IGF2BP3: variants seen among roughly 807,000 people sequenced by gnomAD.
IGF2BP3 encodes the protein insulin-like growth factor 2 mRNA-binding protein 3.
IGF2BP3 carries 9 observed loss-of-function variants against 73.8 expected under a neutral mutation model. The observed-to-expected ratio is 0.12, with a 90% CI of 0.07 to 0.21. IGF2BP3 has a LOEUF of 0.21. IGF2BP3 is among the 10% of genes least tolerant of loss of function. IGF2BP3 has a pLI of 1.00. For missense variants in IGF2BP3, 542 were observed against 714.0 expected (o/e 0.76, Z 2.75); for synonymous variants, 258 against 256.7 (o/e 1.01, Z -0.05).
intron 10 of IGF2BP3, among the ~76,000 whole-genome samples, chr7:23,328,751 C>T (rs1422635916): frequency 6.6e-6 from 1 of 152,194 alleles, no homozygotes; most frequent in Admixed American, 6.5e-5. Flanking sequence ...CTACAATCAA[C>T]TACCTACCTA....
intron 6 of IGF2BP3, among the ~76,000 whole-genome samples, chr7:23,349,713 C>A (rs191696435): frequency 6.6e-6 from 1 of 152,264 alleles, no homozygotes; most frequent in African/African-American, 2.4e-5. Flanking sequence ...AATGAATCAT[C>A]GGATATAACA....
intron 3 of IGF2BP3, among the ~76,000 whole-genome samples, chr7:23,371,898 C>A (rs1327082058): frequency 6.6e-6 from 1 of 152,188 alleles, no homozygotes. Flanking sequence ...TGAGAGAGAA[C>A]AGTCCAACAA....
intron 12 of IGF2BP3, among the ~76,000 whole-genome samples, chr7:23,315,992 A>G (rs1457973771): frequency 6.6e-6 from 1 of 152,230 alleles, no homozygotes; most frequent in Non-Finnish European, 1.5e-5. Flanking sequence ...AATTCTACTT[A>G]TAAGACTAAA....
chr7:23,391,286 G>C (rs866199018), intron 3 of IGF2BP3, among the ~76,000 whole-genome samples: 7 of 151,882 alleles, frequency 4.6e-5, no homozygotes, highest in African/African-American at 1.7e-4. Flanking sequence ...TTTTAGTAGA[G>C]ACATGGTTTA....
chr7:23,420,204 C>T (rs1787305845), intron 2 of IGF2BP3, among the ~76,000 whole-genome samples: 2 of 152,214 alleles, frequency 1.3e-5, no homozygotes, highest in Non-Finnish European at 2.9e-5. Context: ...ATAGGACAGG[C>T]CTTGTGGCTT....
At chr7:23,365,079 T>G (rs1372374562) in intron 3 of IGF2BP3, among the ~76,000 whole-genome samples, 2 of 152,038 alleles carry the variant, frequency 1.3e-5, no homozygotes, top group African/African-American at 4.8e-5. Flanking sequence ...GGCAGGAGAA[T>G]TGCTTGAACC....
At chr7:23,406,379 G>T (rs970854239) in intron 3 of IGF2BP3, among the ~76,000 whole-genome samples, 1 of 152,122 alleles carries the variant, frequency 6.6e-6, no homozygotes, top group Non-Finnish European at 1.5e-5. Flanking sequence ...TCTTCCAGTG[G>T]GTTCTCGGTC....
At chr7:23,328,932 G>A (rs529666342) in intron 10 of IGF2BP3, among the ~76,000 whole-genome samples, 3 of 152,254 alleles carry the variant, frequency 2.0e-5, no homozygotes, top group South Asian at 2.1e-4. Context: ...AACAAGAGCC[G>A]GGCGCGGTGG....
intron 5 of IGF2BP3, among the ~76,000 whole-genome samples, chr7:23,355,566 G>A (rs899107766): frequency 6.6e-6 from 1 of 151,952 alleles, no homozygotes; most frequent in Admixed American, 6.6e-5. Flanking sequence ...CTTTGCTCTT[G>A]GTGCTATTTT....
At chr7:23,448,615 C>CTGTT (rs36159876) in intron 2 of IGF2BP3, among the ~76,000 whole-genome samples, 1,844 of 151,066 alleles carry the variant, frequency 0.012, 24 homozygotes, top group African/African-American at 0.027. Context: ...GTTGCCCAGG[C>CTGTT]TGTTTGTTTG....
intron 3 of IGF2BP3, among the ~76,000 whole-genome samples, chr7:23,403,123 C>T (rs1410205720): frequency 6.6e-6 from 1 of 152,164 alleles, no homozygotes; most frequent in African/African-American, 2.4e-5. Context: ...ATATTTATTG[C>T]TCAGTTTTCA....
At chr7:23,408,386 T>C (rs763326133) in intron 3 of IGF2BP3, among the ~76,000 whole-genome samples, 6 of 152,100 alleles carry the variant, frequency 3.9e-5, no homozygotes, top group Non-Finnish European at 7.4e-5. Flanking sequence ...TGTCAAAGGA[T>C]ATAAGGTCAA....
chr7:23,323,773 A>G (rs951328185), intron 10 of IGF2BP3, among the ~76,000 whole-genome samples: 1 of 152,210 alleles, frequency 6.6e-6, no homozygotes, highest in African/African-American at 2.4e-5. Flanking sequence ...AACTCACTCA[A>G]AACTGCTCAA....
intron 10 of IGF2BP3, among the ~76,000 whole-genome samples, chr7:23,327,068 A>T (rs566474109): frequency 1.2e-3 from 178 of 146,040 alleles, no homozygotes; most frequent in Middle Eastern, 6.8e-3. Context: ...AAAGTATAAT[A>T]AATAAATTAA....
chr7:23,453,022 G>A (rs1241471655), intron 2 of IGF2BP3, among the ~76,000 whole-genome samples: 1 of 152,054 alleles, frequency 6.6e-6, no homozygotes, highest in African/African-American at 2.4e-5. Flanking sequence ...TGAGGCACGA[G>A]AATCCCTTAC....
intron 3 of IGF2BP3, among the ~76,000 whole-genome samples, chr7:23,407,940 GGGGGGC>G (rs1562733672): frequency 5.9e-4 from 65 of 109,994 alleles, no homozygotes; most frequent in African/African-American, 2.3e-3. Flanking sequence ...CAACATTTGT[GGGGGGC>G]AGGGGGCGGG....
intron 3 of IGF2BP3, among the ~76,000 whole-genome samples, chr7:23,379,708 A>G (rs923301549): frequency 6.6e-6 from 1 of 151,926 alleles, no homozygotes; most frequent in East Asian, 1.9e-4. Flanking sequence ...CAAAATCTCA[A>G]TTTTCTAGTC....
intron 2 of IGF2BP3, among the ~76,000 whole-genome samples, chr7:23,452,231 C>T (rs1034639029): frequency 2.0e-5 from 3 of 151,946 alleles, no homozygotes; most frequent in Non-Finnish European, 4.4e-5. Context: ...GTCTCAATCT[C>T]CTAACCTCGT....
At chr7:23,439,830 T>A (rs1787891105) in intron 2 of IGF2BP3, among the ~76,000 whole-genome samples, 1 of 152,122 alleles carries the variant, frequency 6.6e-6, no homozygotes, top group Non-Finnish European at 1.5e-5. Context: ...TAGAAACAAA[T>A]GGCTCTCACC....
Sources: allele counts gnomAD v4.1 joint callset (sites outside exome capture counted in the v4.1 genomes callset), GRCh38; gene constraint gnomAD v4.1.1; transcripts MANE v1.5; gene names NCBI Gene and HGNC (gene_info 2026-07-23, HGNC 2026-07-21).